The following GPC5 variants were observed in gnomAD, a reference collection of about 807,000 sequenced individuals.
GPC5 encodes glypican 5.
In GPC5, 47 loss-of-function variants were observed where a neutral mutation model predicts 53.9. The observed-to-expected ratio is 0.87, with a 90% confidence interval of 0.69 to 1.11. The LOEUF is 1.11. GPC5 is among the 50% of genes most tolerant of loss of function. GPC5 has a pLI of 0.00. For missense variants in GPC5, 748 were observed against 713.1 expected, an observed-to-expected ratio of 1.05 and a Z score of -0.56; for synonymous variants, 286 against 263.3, an observed-to-expected ratio of 1.09 and a Z score of -0.84.
At chr13:92,527,213 G>GA (rs1491335229) in intron 7 of GPC5, among the ~76,000 whole-genome samples, 1 of 30,412 alleles carries the variant, frequency 3.3e-5, no homozygotes, top group East Asian at 2.2e-3. Flanking sequence ...AAGAAAGAAA[G>GA]AAAGAAAGAA....
intron 2 of GPC5, among the ~76,000 whole-genome samples, chr13:91,531,379 T>C (rs1348057183): frequency 1.3e-5 from 2 of 152,112 alleles, no homozygotes; most frequent in African/African-American, 2.4e-5. Flanking sequence ...GGGTTTTTTT[T>C]CCTATAAAAA....
At chr13:91,551,290 A>G (rs1324487335) in intron 2 of GPC5, among the ~76,000 whole-genome samples, 1 of 152,176 alleles carries the variant, frequency 6.6e-6, no homozygotes, top group Non-Finnish European at 1.5e-5. Context: ...AAAATTGCTC[A>G]GAGATGAAAA....
chr13:92,119,297 A>G (rs1290156057), intron 6 of GPC5, among the ~76,000 whole-genome samples: 1 of 151,662 alleles, frequency 6.6e-6, no homozygotes, highest in East Asian at 1.9e-4. Flanking sequence ...CTGCCACAAC[A>G]TGTGGGAATT....
At chr13:92,625,866 A>G (rs1885030329) in intron 7 of GPC5, among the ~76,000 whole-genome samples, 1 of 152,218 alleles carries the variant, frequency 6.6e-6, no homozygotes, top group Non-Finnish European at 1.5e-5. Flanking sequence ...GTCACCAAGT[A>G]TGCCAGAGTG....
chr13:92,010,989 G>T (rs1204701437), intron 6 of GPC5, among the ~76,000 whole-genome samples: 2 of 152,164 alleles, frequency 1.3e-5, no homozygotes, highest in African/African-American at 4.8e-5. Context: ...TCTGGAAGGA[G>T]GTACAGAGCT....
intron 7 of GPC5, among the ~76,000 whole-genome samples, chr13:92,359,233 A>G (rs2043546689): frequency 6.6e-6 from 1 of 151,706 alleles, no homozygotes; most frequent in Non-Finnish European, 1.5e-5. Context: ...TAGAGCAGGG[A>G]CATAATGCCA....
Position 92,597,667 on chromosome 13 carries a change from T to C in GPC5, c.1562-268615T>C, listed in dbSNP as rs146476681. On this transcript the variant is annotated intron_variant, in intron 7 of 7. Coordinates refer to ENST00000377067, the MANE Select transcript of GPC5 (RefSeq NM_004466.6). ...AACAAACTAGATAGCATTTTTAGTG[T>C]AGGCATCCATTTTATTCATTGACAT... 1.6e-3 allele frequency among the ~76,000 whole-genome samples: 244 copies of C among 152,298 alleles called. 1 individual carries two copies. The highest frequency in any genetic ancestry group is 5.8e-3 in the African/African-American group (240 of 41,570).
At chr13:92,365,559 A>G (rs1594136181) in intron 7 of GPC5, among the ~76,000 whole-genome samples, 1 of 151,840 alleles carries the variant, frequency 6.6e-6, no homozygotes, top group South Asian at 2.1e-4. Flanking sequence ...TCTTGTTATA[A>G]CACTTGGCTG....
intron 7 of GPC5, among the ~76,000 whole-genome samples, chr13:92,437,749 G>T (rs903847144): frequency 2.0e-5 from 3 of 151,966 alleles, no homozygotes; most frequent in African/African-American, 7.2e-5. Context: ...AATCTCACAA[G>T]ACTGAAATCA....
intron 7 of GPC5, among the ~76,000 whole-genome samples, chr13:92,612,772 G>T (rs1884481332): frequency 6.6e-6 from 1 of 152,000 alleles, no homozygotes; most frequent in African/African-American, 2.4e-5. Flanking sequence ...CATTATGACA[G>T]GAACAGGGTT....
intron 3 of GPC5, among the ~76,000 whole-genome samples, chr13:91,704,401 C>T (rs546603482): frequency 8.5e-4 from 130 of 152,338 alleles, no homozygotes; most frequent in African/African-American, 2.9e-3. Flanking sequence ...GACCCACCCC[C>T]GCCACAGAGC....
chr13:92,404,357 C>T (rs528666405), intron 7 of GPC5, among the ~76,000 whole-genome samples: 14 of 152,208 alleles, frequency 9.2e-5, no homozygotes, highest in Admixed American at 5.2e-4. Flanking sequence ...CAGTGCCAAG[C>T]ACAGAAATGC....
chr13:92,819,528 A>G (rs1031051305), intron 7 of GPC5, among the ~76,000 whole-genome samples: 7 of 152,216 alleles, frequency 4.6e-5, no homozygotes, highest in African/African-American at 1.7e-4. Context: ...TGAACTGTAA[A>G]ACATCTTTCG....
intron 7 of GPC5, among the ~76,000 whole-genome samples, chr13:92,405,683 C>T (rs1374381098): frequency 6.6e-6 from 1 of 152,086 alleles, no homozygotes; most frequent in Non-Finnish European, 1.5e-5. Flanking sequence ...TTTATGATAA[C>T]TGACTAGGGA....
chr13:92,346,071 G>T lies in GPC5; in HGVS notation c.1561+201082G>T, dbSNP rs538897690. 1.6e-4 allele frequency among the ~76,000 whole-genome samples: 24 copies of T among 152,200 alleles called. No individual in the cohort carries two copies. In the East Asian group the frequency reaches 4.3e-3, roughly 27 times the overall value. ...GACCTAATGACCCTGCCCAGGCAGG[G>T]ACACTCCCACCCCCATACATTTTGG... is the stretch of plus-strand genomic sequence containing the variant. On this transcript the variant is annotated intron_variant, in intron 7 of 7. Coordinates refer to ENST00000377067, the MANE Select transcript of GPC5 (RefSeq NM_004466.6).
In GPC5 at chr13:92,836,418, TAAC is replaced by T. The variant is rs1255195606; in HGVS notation, c.1562-29855_1562-29853del. Among the ~76,000 whole-genome samples the T allele has an allele frequency of 2.0e-5, 3 of 152,102 alleles. No homozygotes were observed. In the East Asian group the frequency reaches 5.8e-4, roughly 29 times the overall value. On this transcript the variant is annotated intron_variant, in intron 7 of 7. Transcript: ENST00000377067. ...CCAGTCATTTAAAGATTCATCTTAC[TAAC>T]AACAACAAAAAAATCATCTTATTCT...
chr13:92,425,685 T>C (rs1488175901), intron 7 of GPC5, among the ~76,000 whole-genome samples: 1 of 152,226 alleles, frequency 6.6e-6, no homozygotes, highest in South Asian at 2.1e-4. Context: ...CTAAGCAATA[T>C]GCCTTTATTA....
rs187094221 is a variant in GPC5 at position 92,863,710 on chromosome 13, C to T, written c.1562-2572C>T. Reference sequence around the variant, plus strand: ...GTTTCTCCATGTTGGTCAGGCTGGTCTTGTACTCCCGACCTCAGGTGATCT... The same window carrying T: ...GTTTCTCCATGTTGGTCAGGCTGGTTTTGTACTCCCGACCTCAGGTGATCT... On this transcript the variant is annotated intron_variant, in intron 7 of 7. Transcript: ENST00000377067. Among the ~76,000 whole-genome samples, 4 of 152,242 alleles carry T rather than the reference C, an allele frequency of 2.6e-5. No individual in the cohort carries two copies. In the East Asian group the frequency reaches 7.7e-4, roughly 29 times the overall value.
intron 6 of GPC5, among the ~76,000 whole-genome samples, chr13:92,097,856 A>G (rs1197976139): frequency 2.0e-5 from 3 of 152,210 alleles, no homozygotes; most frequent in Non-Finnish European, 2.9e-5. Context: ...CATTGAGCCC[A>G]GAGGGACTAG....
Sources: allele counts gnomAD v4.1 joint callset (sites outside exome capture counted in the v4.1 genomes callset), GRCh38; gene constraint gnomAD v4.1.1; transcripts MANE v1.5; gene names NCBI Gene and HGNC (gene_info 2026-07-23, HGNC 2026-07-21).